The following GPD2 variants were observed in gnomAD, a reference collection of about 807,000 sequenced individuals.
GPD2 encodes the protein glycerol-3-phosphate dehydrogenase, mitochondrial.
In GPD2, 54 loss-of-function variants were observed where a neutral mutation model predicts 82.4. The ratio of observed to expected loss-of-function variants is 0.66; its 90% CI spans 0.53 to 0.82. The LOEUF is 0.82. GPD2 is among the 40% of genes least tolerant of loss of function. The probability of loss-of-function intolerance (pLI) is 0.00; values close to 1 mark genes in which losing one functional copy is unlikely to be tolerated. For synonymous variants in GPD2, 288 were observed against 306.1 expected (o/e 0.94, Z 0.62); for missense variants, 748 against 896.2 (o/e 0.83, Z 2.11).
At chr2:156,404,090 A>G in the GPD2 span, among the ~76,000 whole-genome samples, 1 of 152,188 alleles carries the variant, frequency 6.6e-6, no homozygotes, top group Non-Finnish European at 1.5e-5. Flanking sequence ...GTGGTGGGCT[A>G]AGTGTAGTAA....
At chr2:156,478,654 A>G (rs547133877) in intron 2 of GPD2, among the ~76,000 whole-genome samples, 12 of 152,002 alleles carry the variant, frequency 7.9e-5, no homozygotes, top group Admixed American at 3.3e-4. Flanking sequence ...GCGGGGGGGA[A>G]TTTTCCTGAC....
chr2:156,566,078 A>G (rs755649528), intron 9 of GPD2, among the ~76,000 whole-genome samples: 4 of 152,106 alleles, frequency 2.6e-5, no homozygotes, highest in Admixed American at 6.6e-5. Flanking sequence ...GATTTGAACT[A>G]AAACATGGAC....
At chr2:156,526,954 A>G (rs1337070894) in intron 6 of GPD2, among the ~76,000 whole-genome samples, 1 of 152,182 alleles carries the variant, frequency 6.6e-6, no homozygotes, top group Non-Finnish European at 1.5e-5. Flanking sequence ...ATCTGTTGGC[A>G]TAGTCCCTAG....
Position 156,470,090 on chromosome 2 carries a change from C to G in GPD2, c.-8-6008C>G, listed in dbSNP as rs1683277755. On this transcript the variant is annotated intron_variant, in intron 1 of 16. Transcript: ENST00000438166. ...AGGGGTGGCTTATTTTACCCAGCTC[C>G]TATTCAAGATGGAGTTCCTCTGGTT... Among the ~76,000 whole-genome samples the G allele has an allele frequency of 3.9e-5, 6 of 152,290 alleles. No homozygotes were observed. The South Asian group carries it at 8.3e-4, about 21-fold the overall frequency.
At chr2:156,508,201 G>T (rs937635192) in intron 3 of GPD2, among the ~76,000 whole-genome samples, 2 of 151,888 alleles carry the variant, frequency 1.3e-5, no homozygotes, top group African/African-American at 2.4e-5. Flanking sequence ...CTAATAACTC[G>T]CATGGTTGTT....
rs202111672 is a variant in GPD2, at chr2:156,570,193, C to T, written c.1583C>T (p.Ser528Leu). ...RWPIVGVRLV[S>L]EFPYIEAEVK... is the part of the protein sequence containing the mutation. ...CCTATTGTTGGAGTACGTCTTGTGT[C>T]AGAATTTCCATATATTGAAGCAGAG... The change falls in exon 12 of 17, where the codon TCA becomes TTA. Residue 528 changes from serine to leucine, a missense_variant. Ser to Leu is a moderately radical substitution (Grantham distance 145). Around this residue, in one of 3 missense-constraint regions of GPD2, gnomAD observed 692 missense variants for 809.7 expected, o/e 0.85. Transcript: ENST00000438166. 92 of 1,612,768 alleles carry T rather than the reference C, an allele frequency of 5.7e-5. No individual in the cohort carries two copies. The highest frequency in any genetic ancestry group is 9.3e-6 in the Non-Finnish European group (11 of 1,179,144).
chr2:156,551,201 A>T (rs536327599), intron 8 of GPD2, among the ~76,000 whole-genome samples: 269 of 83,626 alleles, frequency 3.2e-3, no homozygotes, highest in African/African-American at 8.7e-3. Flanking sequence ...GAAATAGATT[A>T]AAAAAAATAT....
At chr2:156,565,684 G>T (rs1455396168) in intron 9 of GPD2, among the ~76,000 whole-genome samples, 2 of 152,126 alleles carry the variant, frequency 1.3e-5, no homozygotes, top group Non-Finnish European at 2.9e-5. Context: ...TGTCAAGAGT[G>T]TAGCCTTTAA....
chr2:156,522,313 G>A (rs1187348460), intron 6 of GPD2, among the ~76,000 whole-genome samples: 1 of 152,120 alleles, frequency 6.6e-6, no homozygotes, highest in Non-Finnish European at 1.5e-5. Flanking sequence ...ATAGCAAGCC[G>A]AGATAGTAGT....
At chr2:156,489,032 C>T (rs989105922) in intron 2 of GPD2, among the ~76,000 whole-genome samples, 9 of 152,120 alleles carry the variant, frequency 5.9e-5, no homozygotes, top group African/African-American at 2.2e-4. Flanking sequence ...TCTTTTCTGG[C>T]TTCAATGGCT....
intron 6 of GPD2, among the ~76,000 whole-genome samples, chr2:156,527,959 A>G (rs1685675532): frequency 1.3e-5 from 2 of 152,162 alleles, no homozygotes; most frequent in Non-Finnish European, 2.9e-5. Flanking sequence ...CTCTCTTTTA[A>G]TAATTCCCCG....
At chr2:156,525,994 T>G (rs937673730) in intron 6 of GPD2, among the ~76,000 whole-genome samples, 1 of 152,204 alleles carries the variant, frequency 6.6e-6, no homozygotes, top group African/African-American at 2.4e-5. Context: ...TTATTATATG[T>G]ACACTTGTTT....
At chr2:156,507,469 C>T (rs898934766) in intron 3 of GPD2, among the ~76,000 whole-genome samples, 6 of 152,010 alleles carry the variant, frequency 3.9e-5, no homozygotes, top group Admixed American at 3.9e-4. Context: ...AAAACAGGCA[C>T]ATGCCACTAT....
intron 12 of GPD2, 97 bp downstream of exon 12, chr2:156,570,315 A>G: frequency 9.3e-7 from 1 of 1,070,632 alleles, no homozygotes; most frequent in Non-Finnish European, 1.5e-6. Flanking sequence ...CTAAGTTTTA[A>G]TGCACATATG....
In GPD2 at chr2:156,461,317, G is replaced by T. The variant is rs375324486; in HGVS notation, c.-8-14781G>T. 2.6e-5 allele frequency among the ~76,000 whole-genome samples: 4 copies of T among 151,934 alleles called. No homozygotes were observed. In the East Asian group the frequency reaches 5.8e-4, roughly 22 times the overall value. ...AGGCATCCTCTATACTGCAGCTAGG[G>T]CATTTCTTCCTTTCTTTCTGAAATA... On this transcript the variant is annotated intron_variant, in intron 1 of 16. Coordinates refer to ENST00000438166, the MANE Select transcript of GPD2 (RefSeq NM_000408.5).
At chr2:156,409,016 C>G in the GPD2 span, among the ~76,000 whole-genome samples, 2 of 152,100 alleles carry the variant, frequency 1.3e-5, no homozygotes, top group South Asian at 4.1e-4. Flanking sequence ...CAGAGAGACA[C>G]GCATACCATC....
At chr2:156,552,385 G>T (rs185752968) in intron 8 of GPD2, among the ~76,000 whole-genome samples, 1 of 152,136 alleles carries the variant, frequency 6.6e-6, no homozygotes, top group Admixed American at 6.5e-5. Context: ...TATGTTTCTC[G>T]TATATAGAGA....
At chr2:156,486,903 G>A (rs1055441772) in intron 2 of GPD2, among the ~76,000 whole-genome samples, 2 of 152,172 alleles carry the variant, frequency 1.3e-5, no homozygotes, top group Non-Finnish European at 2.9e-5. Context: ...GCTTGGAACC[G>A]GCTGGTTGGC....
At chr2:156,534,184 G>C (rs999558540) in intron 6 of GPD2, among the ~76,000 whole-genome samples, 1 of 152,186 alleles carries the variant, frequency 6.6e-6, no homozygotes, top group Non-Finnish European at 1.5e-5. Flanking sequence ...CCGTCCTGTG[G>C]CCGATCTCCT....
Sources: gnomAD v4.1 joint callset for allele counts (sites outside exome capture counted in the v4.1 genomes callset) on GRCh38, gnomAD v4.1.1 for gene constraint, gnomAD v4.1.1 regional missense constraint, MANE v1.5 for transcripts, NCBI Gene and HGNC (gene_info 2026-07-23, HGNC 2026-07-21) for gene names.